The following CEP164 variants were observed in gnomAD, a reference collection of about 807,000 sequenced individuals.
CEP164 encodes centrosomal protein of 164 kDa.
Under a neutral mutation model 182.7 loss-of-function variants are expected in CEP164, and 162 were observed. The observed-to-expected ratio is 0.89, with a 90% CI of 0.78 to 1.01. The LOEUF is 1.01. Among genes scored for constraint, CEP164 ranks in the 50% least tolerant of loss-of-function variants. CEP164 has a pLI of 0.00. For synonymous variants in CEP164, 661 were observed against 690.0 expected, an observed-to-expected ratio of 0.96 and a Z score of 0.66; for missense variants, 1,735 against 1,790.4, an observed-to-expected ratio of 0.97 and a Z score of 0.56.
intron 2 of CEP164, among the ~76,000 whole-genome samples, chr11:117,337,827 C>T (rs551627043): frequency 6.3e-4 from 96 of 152,304 alleles, no homozygotes; most frequent in Non-Finnish European, 1.1e-3. Context: ...AGTGACTCCC[C>T]TCTGGTGTAG....
chr11:117,372,078 T>C (rs893011333), intron 9 of CEP164, among the ~76,000 whole-genome samples: 1 of 149,306 alleles, frequency 6.7e-6, no homozygotes, highest in Non-Finnish European at 1.5e-5. Flanking sequence ...TGAGCTCAAG[T>C]GATCTGCCCA....
In CEP164 at chr11:117,410,905, C is replaced by A. The variant is rs759873156; in HGVS notation, c.4163+11C>A. 3 of 1,611,070 alleles carry A rather than the reference C, an allele frequency of 1.9e-6. No homozygotes were observed. The South Asian group carries it at 3.3e-5, about 18-fold the overall frequency. The stretch of plus-strand genomic sequence containing the variant: ...TTACATGTCTGCCAGGTGAGCCTCC[C>A]TGGGGGCTGGTTGGGGTGGAACGTC... On this transcript the variant is annotated intron_variant, in intron 31 of 32. Coordinates refer to ENST00000278935, the MANE Select transcript of CEP164 (RefSeq NM_014956.5).
In CEP164 at chr11:117,387,455, G is replaced by A. The variant is rs528679493; in HGVS notation, c.1934+43G>A. The A allele has an allele frequency of 1.9e-6, 3 of 1,590,532 alleles. No homozygotes were observed. In the South Asian group the frequency reaches 3.4e-5, roughly 18 times the overall value. ...AGGCATGCTTCCTGGGGCCTTTCAGGGATGTGAGGAGCCAGGGACACCCTC... is the reference window on the plus strand; with the variant it reads ...AGGCATGCTTCCTGGGGCCTTTCAGAGATGTGAGGAGCCAGGGACACCCTC... On this transcript the variant is annotated intron_variant, in intron 15 of 32. Transcript: ENST00000278935.
rs556551399 is a variant in CEP164 at position 117,343,079 on chromosome 11, C to T, written c.83-1087C>T. Among the ~76,000 whole-genome samples, 17 of 152,292 alleles carry T rather than the reference C, an allele frequency of 1.1e-4. No individual in the cohort carries two copies. The South Asian group carries it at 3.3e-3, about 30-fold the overall frequency. On this transcript the variant is annotated intron_variant, in intron 3 of 32. Transcript: ENST00000278935. Reference sequence around the variant, plus strand: ...AGAGATGGGTTCTCACCATGTTGCCCAGGCTGGTCTTGATCTCCTGGACTC... The same window carrying T: ...AGAGATGGGTTCTCACCATGTTGCCTAGGCTGGTCTTGATCTCCTGGACTC...
rs191664500 is a variant in CEP164, at chr11:117,356,437, G to T, written c.393+4449G>T. 5.6e-6 allele frequency: 7 copies of T among 1,253,096 alleles called. No individual in the cohort carries two copies. The African/African-American group carries it at 7.7e-5, about 14-fold the overall frequency. The allele number at this position is 1,253,096 out of a possible 1,614,324, so 77.6% of individuals were successfully genotyped here. On this transcript the variant is annotated intron_variant, in intron 5 of 32. Transcript: ENST00000278935. The stretch of plus-strand genomic sequence containing the variant: ...TCATGGAGAGGGACTCGAGGTTTCT[G>T]TCATGGGAGCCAGAGCTGCTGGAAC...
intron 7 of CEP164, 74 bp downstream of exon 7, chr11:117,362,612 G>T (rs2041124843): frequency 6.6e-7 from 1 of 1,514,610 alleles, no homozygotes; most frequent in African/African-American, 1.4e-5. Context: ...TGTTTTTGCT[G>T]TGATAGAAAA....
rs139225491 is a variant in CEP164, at chr11:117,392,298, C to G, written c.2356C>G (p.Arg786Gly). Residue 786 changes from arginine (R) to glycine (G), a missense_variant, in exon 18 of 33, where the codon CGG (arginine) becomes GGG (glycine). Transcript: ENST00000278935. ...CTGCTCCTCATTGGAGGCCAAGCAC[C>G]GGGAGGTAAGATGCAGCATCCTGGG... is the stretch of plus-strand genomic sequence containing the variant. The part of the protein sequence containing the change: ...RLCSSLEAKH[R>G]EVVSSLQKKI... The G allele has an allele frequency of 6.2e-7, 1 of 1,610,284 alleles. No individual in the cohort carries two copies. Among genetic ancestry groups the G allele is most frequent in the South Asian group, 1.1e-5 (1 of 90,902 alleles).
chr11:117,409,945 A>G lies in CEP164; in HGVS notation c.4076A>G (p.Lys1359Arg). The change falls in exon 30 of 33, where the codon AAG becomes AGG. Residue 1359 changes from lysine (K) to arginine (R), a missense_variant. By Grantham distance (26) the Lys-to-Arg change is conservative. Transcript: ENST00000278935. This position sits in a 1 kb window ranked among gnomAD's most constrained non-coding sequence, Gnocchi z 4.4. ...ACGGTGGACGACTTCCTGTTGGAGA[A>G]GTGGCGCAAGTATTTTCCATGTAAG... Reference protein sequence around the residue: ...AQTVDDFLLEKWRKYFPSGIP... With the variant: ...AQTVDDFLLERWRKYFPSGIP... 1 of 1,614,198 alleles carries G rather than the reference A, an allele frequency of 6.2e-7. No individual in the cohort carries two copies.
Position 117,409,193 on chromosome 11 carries a change from A to G in CEP164, c.3748+165A>G, listed in dbSNP as rs1027285083. ...GTGCTGGGAAGGAATCACACCATCT[A>G]GGTTTGCCAGCACGTGGGGCTGAAA... On this transcript the variant is annotated intron_variant, in intron 29 of 32. Transcript: ENST00000278935. This position sits in a 1 kb window ranked among gnomAD's most constrained non-coding sequence, Gnocchi z 4.4. The G allele has an allele frequency of 1.6e-5, 15 of 921,532 alleles. No individual in the cohort carries two copies. Among genetic ancestry groups the G allele is most frequent in the Non-Finnish European group, 2.3e-5 (14 of 622,150 alleles). The allele number at this position is 921,532 out of a possible 1,614,324, so 57.1% of individuals were successfully genotyped here.
At chr11:117,410,490 C>T (rs2047228867) in intron 30 of CEP164, 1 of 273,452 alleles carries the variant, frequency 3.7e-6, no homozygotes, top group South Asian at 5.5e-5. Context: ...GTCTCTGTGA[C>T]TCCAGGATTC....
At chr11:117,326,511 G>A (rs2035458880), upstream of CEP164, among the ~76,000 whole-genome samples, 1 of 152,150 alleles carries the variant, frequency 6.6e-6, no homozygotes, top group African/African-American at 2.4e-5. Flanking sequence ...GGGATTACAG[G>A]TGTGAGCCAC....
intron 27 of CEP164, among the ~76,000 whole-genome samples, chr11:117,404,734 C>T (rs2046488245): frequency 6.6e-6 from 1 of 152,228 alleles, no homozygotes; most frequent in South Asian, 2.1e-4. Flanking sequence ...ATATTTAAAT[C>T]TGCTGAAGGT....
intron 6 of CEP164, 33 bp downstream of exon 6, chr11:117,362,026 GT>G: frequency 5.9e-6 from 9 of 1,525,426 alleles, no homozygotes; most frequent in Non-Finnish European, 7.9e-6. Flanking sequence ...AGTGTCTGTA[GT>G]TCCTGTGGGG....
chr11:117,376,152 G>A (rs2042716426), intron 11 of CEP164, among the ~76,000 whole-genome samples: 1 of 152,168 alleles, frequency 6.6e-6, no homozygotes, highest in African/African-American at 2.4e-5. Flanking sequence ...CTCACCAGCT[G>A]GATCTGCTGC....
At chr11:117,373,350 A>AGAGT (rs1265801589) in intron 9 of CEP164, among the ~76,000 whole-genome samples, 9 of 151,254 alleles carry the variant, frequency 6.0e-5, no homozygotes, top group Non-Finnish European at 1.2e-4. Flanking sequence ...GGACAGAGCG[A>AGAGT]GACTCCATCT....
intron 27 of CEP164, among the ~76,000 whole-genome samples, chr11:117,397,909 A>G (rs1225008376): frequency 1.3e-5 from 2 of 152,188 alleles, no homozygotes; most frequent in Non-Finnish European, 2.9e-5. Flanking sequence ...ATGTCCTCAC[A>G]TTTCAAAACC....
In CEP164 at chr11:117,351,941, A is replaced by C; in HGVS notation, c.346A>C (p.Lys116Gln). 6.2e-7 allele frequency: 1 copy of C among 1,611,992 alleles called. No homozygotes were observed. Among genetic ancestry groups the C allele is most frequent in the Non-Finnish European group, 8.5e-7 (1 of 1,179,062 alleles). Reference protein sequence around the residue: ...SGAIKKKKKKKEKKDKKDRDP... With the variant: ...SGAIKKKKKKQEKKDKKDRDP... ...GGCCATTAAGAAGAAGAAAAAAAAA[A>C]AGGAAAAGAAAGACAAGAAGGACAG... is the stretch of plus-strand genomic sequence containing the variant. Residue 116 changes from lysine to glutamine, a missense_variant, in exon 5 of 33, where the codon AAG (lysine) becomes CAG (glutamine). Coordinates refer to ENST00000278935, the MANE Select transcript of CEP164 (RefSeq NM_014956.5).
At position 117,381,834 on chromosome 11, in the gene CEP164, G is replaced by A. The variant is rs1401819669; in HGVS notation, c.1543G>A (p.Ala515Thr). ...KEAEELGEDS[A>T]ASLSLQLSLQ... ...GGCAGAGGAGCTTGGGGAGGACTCT[G>A]CAGCCAGCCTCAGCCTGCAGCTGTC... Residue 515 changes from alanine to threonine, a missense_variant, in exon 13 of 33, where the codon GCA becomes ACA. Transcript: ENST00000278935. 2.0e-6 allele frequency: 3 copies of A among 1,533,006 alleles called. No homozygotes were observed. Among genetic ancestry groups the A allele is most frequent in the Non-Finnish European group, 2.6e-6 (3 of 1,139,236 alleles). 95.0% of individuals were successfully genotyped at this position (1,533,006 alleles called of 1,614,324 possible).
rs781063589 is a variant in CEP164, at chr11:117,390,824, G to A, written c.1982G>A (p.Arg661Gln). The A allele has an allele frequency of 2.9e-5, 47 of 1,613,598 alleles. No homozygotes were observed. Among genetic ancestry groups the A allele is most frequent in the African/African-American group, 4.0e-5 (3 of 74,774 alleles). ...AAAGCCATTGAGGAGGAGGAGGCCC[G>A]GATGAGAGAGGAGGAAAGCCAGAGG... ...LQKAIEEEEARMREEESQRLS... is the reference protein window; with the variant it reads ...LQKAIEEEEAQMREEESQRLS... The change falls in exon 16 of 33, where the codon CGG (arginine) becomes CAG (glutamine). Residue 661 changes from arginine (R) to glutamine (Q), a missense_variant. Physicochemically the swap from Arg to Gln is conservative, Grantham distance 43 (BLOSUM62 1). Transcript: ENST00000278935.
Sources: gnomAD v4.1 joint callset for allele counts (sites outside exome capture counted in the v4.1 genomes callset) on GRCh38, gnomAD v4.1.1 for gene constraint, Gnocchi (gnomAD v3.1) non-coding constraint, MANE v1.5 for transcripts, NCBI Gene and HGNC (gene_info 2026-07-23, HGNC 2026-07-21) for gene names.